KIF13A: variants seen among roughly 807,000 people sequenced by gnomAD.
KIF13A encodes kinesin family member 13A.
KIF13A carries 79 observed loss-of-function variants against 212.2 expected under a neutral mutation model. The ratio of observed to expected loss-of-function variants is 0.37; its 90% CI spans 0.31 to 0.45. The LOEUF (loss-of-function observed/expected upper bound fraction) is 0.45, where lower values mean the gene tolerates loss of function less well. Ranked by LOEUF, KIF13A falls within the 20% of genes least tolerant of loss-of-function variation. KIF13A has a pLI of 1.00. For missense variants in KIF13A, 1,901 were observed against 2,209.0 expected, an observed-to-expected ratio of 0.86 and a Z score of 2.79; for synonymous variants, 789 against 808.6, an observed-to-expected ratio of 0.98 and a Z score of 0.41.
intron 29 of KIF13A, among the ~76,000 whole-genome samples, chr6:17,781,583 C>CCAATG (rs1357893193): frequency 6.6e-6 from 1 of 150,692 alleles, no homozygotes; most frequent in African/African-American, 2.4e-5. Flanking sequence ...CCTTGACTTC[C>CCAATG]CAATGTGCTG....
intron 2 of KIF13A, among the ~76,000 whole-genome samples, chr6:17,908,425 C>T (rs1191412174): frequency 6.6e-6 from 1 of 151,946 alleles, no homozygotes; most frequent in Non-Finnish European, 1.5e-5. Context: ...CAGAGTAAGA[C>T]CTTGTCTCTA....
chr6:17,860,111 C>A (rs1768597197), intron 4 of KIF13A, among the ~76,000 whole-genome samples: 1 of 152,150 alleles, frequency 6.6e-6, no homozygotes, highest in South Asian at 2.1e-4. Flanking sequence ...TGCTGCATGA[C>A]ACTGGCAATC....
At position 17,855,272 on chromosome 6, in the gene KIF13A, G is replaced by A. The variant is rs1328444637; in HGVS notation, c.494+165C>T. Among the ~76,000 whole-genome samples the A allele has an allele frequency of 6.6e-6, 1 of 152,056 alleles. No homozygotes were observed. Among genetic ancestry groups the A allele is most frequent in the East Asian group, 1.9e-4 (1 of 5,192 alleles). ...ATACATTAATGTAGGATAAACACTG[G>A]GTATACCAAAAGGCTTTGAGAAGCT... On this transcript the variant is annotated intron_variant, in intron 6 of 38. Coordinates refer to ENST00000259711, the MANE Select transcript of KIF13A (RefSeq NM_022113.6). The surrounding 1 kb of genome is among the most constrained non-coding windows in gnomAD (Gnocchi z 4.1).
chr6:17,789,398 A>G lies in KIF13A; in HGVS notation c.3261+474T>C, dbSNP rs142990690. ...CAAAAGTCTTGTAAAGTAAAATGGCATATTACAACAATATTAGCTCTTGGA... is the reference window on the plus strand; with the variant it reads ...CAAAAGTCTTGTAAAGTAAAATGGCGTATTACAACAATATTAGCTCTTGGA... On this transcript the variant is annotated intron_variant, in intron 26 of 38. Coordinates refer to ENST00000259711, the MANE Select transcript of KIF13A (RefSeq NM_022113.6). The surrounding 1 kb of genome is among the most constrained non-coding windows in gnomAD (Gnocchi z 4.8). Among the ~76,000 whole-genome samples the G allele has an allele frequency of 2.5e-3, 388 of 152,336 alleles. 2 individuals carry two copies. The highest frequency in any genetic ancestry group is 0.02 in the Middle Eastern group (6 of 294).
chr6:17,847,735 C>A (rs114169481), intron 9 of KIF13A, among the ~76,000 whole-genome samples: 1 of 152,154 alleles, frequency 6.6e-6, no homozygotes, highest in Non-Finnish European at 1.5e-5. Context: ...TTATTCACTG[C>A]ATACTAAGTG....
intron 31 of KIF13A, among the ~76,000 whole-genome samples, chr6:17,780,351 G>A (rs983760273): frequency 3.9e-5 from 6 of 152,220 alleles, no homozygotes; most frequent in Non-Finnish European, 7.3e-5. Flanking sequence ...CCTCTGAGAT[G>A]GGATCCGTCA....
intron 20 of KIF13A, among the ~76,000 whole-genome samples, chr6:17,803,091 G>A (rs1349105094): frequency 6.6e-6 from 1 of 151,808 alleles, no homozygotes; most frequent in African/African-American, 2.4e-5. Context: ...CCGCCACTAA[G>A]CCTGGCTAAT....
At position 17,856,130 on chromosome 6, in the gene KIF13A, A is replaced by C; in HGVS notation, c.221-8T>G. 1 of 1,581,078 alleles carries C rather than the reference A, an allele frequency of 6.3e-7. No individual in the cohort carries two copies. The highest frequency in any genetic ancestry group is 2.2e-5 in the East Asian group (1 of 44,696). On this transcript the variant is annotated splice_region_variant and splice_polypyrimidine_tract_variant and intron_variant, in intron 4 of 38. Coordinates refer to ENST00000259711, the MANE Select transcript of KIF13A (RefSeq NM_022113.6). The surrounding 1 kb of genome is among the most constrained non-coding windows in gnomAD (Gnocchi z 4.5). ...TGAAAACCACTTCTTGACCTAAAAA[A>C]CAAGACAAATATTAAAAACTAATAA...
At chr6:17,875,003 G>GCACACACACACACACA (rs905903459) in intron 3 of KIF13A, among the ~76,000 whole-genome samples, 9 of 133,386 alleles carry the variant, frequency 6.7e-5, no homozygotes, top group South Asian at 2.6e-4. Context: ...GCACACGCAC[G>GCACACACACACACACA]CACACACACA....
intron 2 of KIF13A, among the ~76,000 whole-genome samples, chr6:17,972,152 G>A (rs2150610593): frequency 6.6e-6 from 1 of 152,286 alleles, no homozygotes; most frequent in Non-Finnish European, 1.5e-5. Context: ...CTTAAAAGTG[G>A]ATAAGGCTGC....
rs1213808255 is a variant in KIF13A, at chr6:17,837,950, C to CA, written c.831-368dup. 1.4e-5 allele frequency among the ~76,000 whole-genome samples: 2 copies of CA among 146,246 alleles called. No homozygotes were observed. Among genetic ancestry groups the CA allele is most frequent in the Middle Eastern group, 3.5e-3 (1 of 288 alleles). ...CCTGGGCGACAGAGTGAGACTCTTT[C>CA]AAAAAAACAAAAACAAAGAAACCCC... On this transcript the variant is annotated intron_variant, in intron 9 of 38. Transcript: ENST00000259711. The surrounding 1 kb of genome is among the most constrained non-coding windows in gnomAD (Gnocchi z 5.4).
rs953572842 is a variant in KIF13A at position 17,811,554 on chromosome 6, G to A, written c.2001-2624C>T. On this transcript the variant is annotated intron_variant, in intron 17 of 38. Transcript: ENST00000259711. This position sits in a 1 kb window ranked among gnomAD's most constrained non-coding sequence, Gnocchi z 6.0. ...TACAAAGAGAATAAACGACATCTGTGGCTTTCTTTGTAATTCTCACCAGCG... is the reference window on the plus strand; with the variant it reads ...TACAAAGAGAATAAACGACATCTGTAGCTTTCTTTGTAATTCTCACCAGCG... Among the ~76,000 whole-genome samples the A allele has an allele frequency of 7.9e-5, 12 of 152,082 alleles. No individual in the cohort carries two copies. Among genetic ancestry groups the A allele is most frequent in the Admixed American group, 7.9e-4 (12 of 15,278 alleles).
intron 4 of KIF13A, among the ~76,000 whole-genome samples, chr6:17,862,784 T>C (rs1227264444): frequency 6.6e-6 from 1 of 151,962 alleles, no homozygotes; most frequent in East Asian, 1.9e-4. Context: ...CCATCTCTAC[T>C]AAAAATATAA....
In KIF13A at chr6:17,900,529, C is replaced by T. The variant is rs532777449; in HGVS notation, c.147-2349G>A. 2.6e-4 allele frequency among the ~76,000 whole-genome samples: 40 copies of T among 152,062 alleles called. No individual in the cohort carries two copies. The highest frequency in any genetic ancestry group is 1.5e-3 in the Admixed American group (23 of 15,284). On this transcript the variant is annotated intron_variant, in intron 2 of 38. Transcript: ENST00000259711. The surrounding 1 kb of genome is among the most constrained non-coding windows in gnomAD (Gnocchi z 4.6). ...GCTTGTTAAGAACAAATTGAGACTG[C>T]GAAGAAAAGAAAAAAGGGAAGCCAC...
intron 9 of KIF13A, among the ~76,000 whole-genome samples, chr6:17,847,717 G>A (rs907070785): frequency 3.3e-5 from 5 of 152,162 alleles, no homozygotes; most frequent in Admixed American, 6.5e-5. Context: ...AGCTATAACA[G>A]TTAATTTTTA....
At chr6:17,778,826 G>T in intron 33 of KIF13A, 121 bp downstream of exon 33, 1 of 1,158,294 alleles carries the variant, frequency 8.6e-7, no homozygotes, top group Non-Finnish European at 1.3e-6. Context: ...TTTCAATAGA[G>T]ATGGCTCAAG....
At chr6:17,780,081 C>G (rs1760422464) in intron 31 of KIF13A, among the ~76,000 whole-genome samples, 1 of 152,170 alleles carries the variant, frequency 6.6e-6, no homozygotes, top group Middle Eastern at 3.2e-3. Context: ...AGAAGCATTA[C>G]AAGTTACTAT....
chr6:17,788,850 G>A (rs928742265), intron 26 of KIF13A, among the ~76,000 whole-genome samples: 1 of 152,006 alleles, frequency 6.6e-6, no homozygotes, highest in Non-Finnish European at 1.5e-5. Context: ...TCAGCCTCCC[G>A]AGTAGCTGGG....
chr6:17,864,647 C>T (rs1361005041), intron 4 of KIF13A, among the ~76,000 whole-genome samples: 1 of 152,184 alleles, frequency 6.6e-6, no homozygotes, highest in Non-Finnish European at 1.5e-5. Flanking sequence ...TGTGCCACCA[C>T]TTATGGCTAA....
Sources: gnomAD v4.1 joint callset for allele counts (sites outside exome capture counted in the v4.1 genomes callset) on GRCh38, gnomAD v4.1.1 for gene constraint, Gnocchi (gnomAD v3.1) non-coding constraint, MANE v1.5 for transcripts, NCBI Gene and HGNC (gene_info 2026-07-23, HGNC 2026-07-21) for gene names.